The following LRP1B variants were observed in gnomAD, a reference collection of about 807,000 sequenced individuals.
The protein encoded by LRP1B is LDL receptor related protein 1B.
Under a neutral mutation model 556.6 loss-of-function variants are expected in LRP1B, and 217 were observed. That is an observed-to-expected ratio of 0.39 (90% confidence interval 0.35 to 0.44). LRP1B has a LOEUF of 0.44. LRP1B is among the 20% of genes least tolerant of loss of function. LRP1B has a pLI of 1.00. For missense variants in LRP1B, 5,053 were observed against 5,620.8 expected (o/e 0.90, Z 3.23); for synonymous variants, 2,047 against 1,865.8 (o/e 1.10, Z -2.50).
At chr2:141,405,965 TA>T (rs1690618178) in intron 3 of LRP1B, among the ~76,000 whole-genome samples, 1 of 152,102 alleles carries the variant, frequency 6.6e-6, no homozygotes, top group Non-Finnish European at 1.5e-5. Context: ...GTATGTATTT[TA>T]TTGTCAAAAA....
chr2:141,619,969 T>C (rs1235068177), intron 2 of LRP1B, among the ~76,000 whole-genome samples: 1 of 152,190 alleles, frequency 6.6e-6, no homozygotes, highest in Admixed American at 6.5e-5. Flanking sequence ...ATTATTATTT[T>C]TAGAGACAAG....
At chr2:141,330,913 G>A (rs1352637990) in intron 3 of LRP1B, among the ~76,000 whole-genome samples, 4 of 151,886 alleles carry the variant, frequency 2.6e-5, no homozygotes, top group African/African-American at 7.3e-5. Flanking sequence ...CCACCACGCC[G>A]GGCTAATTTT....
At chr2:140,524,630 A>G (rs1433532719) in intron 49 of LRP1B, among the ~76,000 whole-genome samples, 1 of 151,962 alleles carries the variant, frequency 6.6e-6, no homozygotes, top group Non-Finnish European at 1.5e-5. Context: ...AAAAAGTGAA[A>G]TCATGTCCTT....
chr2:140,968,512 T>TTC (rs1696306370), intron 18 of LRP1B, among the ~76,000 whole-genome samples: 1 of 100,036 alleles, frequency 1.0e-5, no homozygotes, highest in African/African-American at 2.9e-5. Context: ...AGTTTTTTTT[T>TTC]TTGTGTCTCT....
At chr2:140,563,868 G>T (rs968474493) in intron 43 of LRP1B, among the ~76,000 whole-genome samples, 8 of 152,108 alleles carry the variant, frequency 5.3e-5, no homozygotes, top group Non-Finnish European at 1.0e-4. Flanking sequence ...AAAGTGAGAA[G>T]ATGAATGGAT....
chr2:140,815,757 T>C (rs558733905), intron 31 of LRP1B, among the ~76,000 whole-genome samples: 1 of 151,944 alleles, frequency 6.6e-6, no homozygotes, highest in Non-Finnish European at 1.5e-5. Context: ...AGCTAGGGAG[T>C]ATATGGGAAG....
At chr2:140,488,727 T>A (rs113460802) in intron 57 of LRP1B, among the ~76,000 whole-genome samples, 1,596 of 152,134 alleles carry the variant, frequency 0.01, 28 homozygotes, top group African/African-American at 0.037. Flanking sequence ...CCTCAAGAGA[T>A]CTCTGCCATG....
At chr2:141,762,892 CTCTT>C (rs1456817686) in intron 2 of LRP1B, among the ~76,000 whole-genome samples, 1 of 152,226 alleles carries the variant, frequency 6.6e-6, no homozygotes, top group Non-Finnish European at 1.5e-5. Flanking sequence ...ATCCCAATCT[CTCTT>C]TCTATATGAG....
intron 43 of LRP1B, among the ~76,000 whole-genome samples, chr2:140,545,891 GC>G (rs1680317353): frequency 6.6e-6 from 1 of 151,956 alleles, no homozygotes. Context: ...GTATCCATGA[GC>G]ATGGAATGTT....
chr2:141,608,219 C>T (rs374601109), intron 2 of LRP1B, among the ~76,000 whole-genome samples: 26 of 152,012 alleles, frequency 1.7e-4, no homozygotes, highest in Admixed American at 7.9e-4. Flanking sequence ...AGCAAAACTC[C>T]GTCTCAAAAG....
Position 141,502,783 on chromosome 2 carries a change from C to T in LRP1B, c.206-22250G>A, listed in dbSNP as rs182461941. On this transcript the variant is annotated intron_variant, in intron 2 of 90. Coordinates refer to ENST00000389484, the MANE Select transcript of LRP1B (RefSeq NM_018557.3). ...CTGAGGCAGGAGAATTGGTTGAACC[C>T]GGGAGGCGGAGGTTGTAGTGAGCCA... Among the ~76,000 whole-genome samples, 110 of 150,810 alleles carry T rather than the reference C, an allele frequency of 7.3e-4. 1 individual carries two copies. Among genetic ancestry groups the T allele is most frequent in the African/African-American group, 2.6e-3 (105 of 41,174 alleles).
chr2:142,036,002 G>A (rs1703864486), intron 1 of LRP1B, among the ~76,000 whole-genome samples: 1 of 151,580 alleles, frequency 6.6e-6, no homozygotes, highest in African/African-American at 2.4e-5. Flanking sequence ...TGTAAGAAGT[G>A]CTTTTTACCT....
chr2:141,553,348 T>C (rs768686047), intron 2 of LRP1B, among the ~76,000 whole-genome samples: 1 of 151,890 alleles, frequency 6.6e-6, no homozygotes, highest in Non-Finnish European at 1.5e-5. Flanking sequence ...TATTAAAATA[T>C]CAGTATCAAA....
intron 41 of LRP1B, among the ~76,000 whole-genome samples, chr2:140,666,750 T>A (rs372815235): frequency 6.6e-6 from 1 of 152,210 alleles, no homozygotes; most frequent in Non-Finnish European, 1.5e-5. Flanking sequence ...AAAAGTTGAA[T>A]GTATTTGTCC....
intron 62 of LRP1B, among the ~76,000 whole-genome samples, chr2:140,452,888 T>C (rs1203247151): frequency 1.3e-5 from 2 of 151,292 alleles, no homozygotes; most frequent in African/African-American, 2.4e-5. Flanking sequence ...ATGAATCCAA[T>C]GGGAGATCTA....
intron 84 of LRP1B, among the ~76,000 whole-genome samples, chr2:140,291,298 T>TTTTATA (rs1683362734): frequency 1.4e-5 from 1 of 72,000 alleles, no homozygotes; most frequent in Non-Finnish European, 3.6e-5. Context: ...AAATTTTATT[T>TTTTATA]TATATATATA....
At chr2:141,740,085 A>G (rs1693640039) in intron 2 of LRP1B, among the ~76,000 whole-genome samples, 1 of 152,158 alleles carries the variant, frequency 6.6e-6, no homozygotes, top group Non-Finnish European at 1.5e-5. Flanking sequence ...TAGCTACTCA[A>G]AACCATCATT....
intron 7 of LRP1B, among the ~76,000 whole-genome samples, chr2:141,130,381 CTATT>C (rs1701319457): frequency 6.6e-6 from 1 of 152,014 alleles, no homozygotes; most frequent in Admixed American, 6.6e-5. Context: ...ATATTTCATA[CTATT>C]TATTTAGTAA....
At chr2:140,316,616 T>C (rs1021320386) in intron 82 of LRP1B, among the ~76,000 whole-genome samples, 2 of 152,072 alleles carry the variant, frequency 1.3e-5, no homozygotes, top group South Asian at 4.1e-4. Context: ...GTCCTGGTTC[T>C]GCCGCTTACT....
Sources: allele counts gnomAD v4.1 joint callset (sites outside exome capture counted in the v4.1 genomes callset), GRCh38; gene constraint gnomAD v4.1.1; transcripts MANE v1.5; gene names NCBI Gene and HGNC (gene_info 2026-07-23, HGNC 2026-07-21).